RELN: variants seen among roughly 807,000 people sequenced by gnomAD.
RELN encodes reelin.
Under a neutral mutation model 427.6 loss-of-function variants are expected in RELN, and 108 were observed. The observed-to-expected ratio is 0.25, with a 90% CI of 0.22 to 0.30. The LOEUF (loss-of-function observed/expected upper bound fraction) is 0.30. Ranked by LOEUF, RELN falls within the 10% of genes least tolerant of loss-of-function variation. The pLI is 1.00. For synonymous variants in RELN, 1,524 were observed against 1,513.4 expected, an observed-to-expected ratio of 1.01 and a Z score of -0.16; for missense variants, 3,715 against 4,302.8, an observed-to-expected ratio of 0.86 and a Z score of 3.82.
rs116986303 is a variant in RELN, at chr7:103,635,964, T to G, written c.2303+271A>C. ...AAATCAATAAAACTACATAAATAAT[T>G]AACTAGCTCTTGGCTTAAGAACATA... On this transcript the variant is annotated intron_variant, in intron 18 of 64. Transcript: ENST00000428762. Among the ~76,000 whole-genome samples, 47 of 152,322 alleles carry G rather than the reference T, an allele frequency of 3.1e-4. No homozygotes were observed. In the East Asian group the frequency reaches 8.5e-3, roughly 28 times the overall value.
intron 10 of RELN, among the ~76,000 whole-genome samples, chr7:103,685,126 T>C (rs1833737076): frequency 6.6e-6 from 1 of 152,210 alleles, no homozygotes; most frequent in South Asian, 2.1e-4. Context: ...AGATGTCTGA[T>C]GCCACTTTTC....
intron 9 of RELN, among the ~76,000 whole-genome samples, chr7:103,699,269 A>C (rs1450809473): frequency 1.3e-5 from 2 of 152,162 alleles, no homozygotes; most frequent in African/African-American, 2.4e-5. Flanking sequence ...AATGAAGCAC[A>C]TATATATCCG....
chr7:103,527,658 C>G (rs1382127313), intron 46 of RELN, among the ~76,000 whole-genome samples: 2 of 152,174 alleles, frequency 1.3e-5, no homozygotes, highest in African/African-American at 4.8e-5. Flanking sequence ...TGATGTCAGC[C>G]CATTTCAAAA....
chr7:103,747,809 A>T (rs956135136), intron 6 of RELN, among the ~76,000 whole-genome samples: 24 of 152,206 alleles, frequency 1.6e-4, no homozygotes, highest in East Asian at 1.2e-3. Flanking sequence ...AAACTTTTTT[A>T]AAAAAAGGTA....
At chr7:103,798,072 T>A (rs1792353547) in intron 3 of RELN, among the ~76,000 whole-genome samples, 1 of 152,220 alleles carries the variant, frequency 6.6e-6, no homozygotes, top group African/African-American at 2.4e-5. Context: ...TCCGTACTCT[T>A]GGGAGTTAGT....
intron 2 of RELN, among the ~76,000 whole-genome samples, chr7:103,909,430 A>G (rs1795289090): frequency 6.6e-6 from 1 of 151,192 alleles, no homozygotes; most frequent in South Asian, 2.1e-4. Flanking sequence ...TACAATTTTT[A>G]TTAACTAGTG....
chr7:103,886,284 C>T (rs1794724818), intron 2 of RELN, among the ~76,000 whole-genome samples: 1 of 152,136 alleles, frequency 6.6e-6, no homozygotes, highest in Non-Finnish European at 1.5e-5. Context: ...ACTCATTATT[C>T]ATATCAAAAG....
At chr7:103,551,353 G>T in intron 40 of RELN, 57 bp from the exon 41 acceptor site, 1 of 1,177,914 alleles carries the variant, frequency 8.5e-7, no homozygotes, top group Non-Finnish European at 1.2e-6. Context: ...GCCTTGAAAT[G>T]ATTCACCACT....
In RELN at chr7:103,575,600, A is replaced by T; in HGVS notation, c.4251T>A (p.Ser1417Arg). Residue 1417 changes from serine to arginine, a missense_variant, in exon 29 of 65, where the codon AGT becomes AGA. Ser to Arg is a moderately radical substitution (Grantham distance 110). Around this residue, in one of 4 missense-constraint regions of RELN, gnomAD observed 2,208 missense variants for 2,361.7 expected, o/e 0.93. Coordinates refer to ENST00000428762, the MANE Select transcript of RELN (RefSeq NM_005045.4). ...YISEPCPSYC[S>R]GHGDCISGVC... is the part of the protein sequence containing the mutation. ...CTCCTGAAATGCAGTCCCCATGGCC[A>T]CTGCAGTAACTGGGACAAGGCTCGG... The T allele has an allele frequency of 6.2e-7, 1 of 1,613,962 alleles. No homozygotes were observed. Among genetic ancestry groups the T allele is most frequent in the Non-Finnish European group, 8.5e-7 (1 of 1,179,864 alleles).
In RELN at chr7:103,830,039, T is replaced by A. The variant is rs1793237895; in HGVS notation, c.473+3498A>T. Among the ~76,000 whole-genome samples, 3 of 116,000 alleles carry A rather than the reference T, an allele frequency of 2.6e-5. No homozygotes were observed. In the Admixed American group the frequency reaches 2.6e-4, roughly 10 times the overall value. The allele number at this position is 116,000 out of a possible 152,430, so 76.1% of individuals were successfully genotyped here. On this transcript the variant is annotated intron_variant, in intron 3 of 64. Transcript: ENST00000428762. ...GGGTTTCTTCCAATATAATGCACCA[T>A]CAGTTGTAAGACGTTAAAAAATAAA...
intron 56 of RELN, 93 bp downstream of exon 56, chr7:103,496,433 C>CT: frequency 1.3e-6 from 2 of 1,539,928 alleles, no homozygotes; most frequent in Non-Finnish European, 1.8e-6. Context: ...GCTAGGCACT[C>CT]TTATAAATGC....
At chr7:103,643,693 A>C (rs973927800) in intron 16 of RELN, among the ~76,000 whole-genome samples, 1 of 152,046 alleles carries the variant, frequency 6.6e-6, no homozygotes, top group African/African-American at 2.4e-5. Flanking sequence ...CTAACAGTGG[A>C]ATTCTTGTTA....
At chr7:103,919,756 C>T (rs1335254344) in intron 1 of RELN, among the ~76,000 whole-genome samples, 2 of 152,066 alleles carry the variant, frequency 1.3e-5, no homozygotes, top group African/African-American at 4.8e-5. Context: ...TCATCGCTTA[C>T]ATCCACAACC....
At chr7:103,475,278 C>T (rs1490872092) in intron 64 of RELN, among the ~76,000 whole-genome samples, 1 of 151,482 alleles carries the variant, frequency 6.6e-6, no homozygotes, top group Non-Finnish European at 1.5e-5. Context: ...AGTTTGTGTT[C>T]ATATCTTGGC....
intron 46 of RELN, among the ~76,000 whole-genome samples, chr7:103,529,335 G>T (rs1408740596): frequency 6.6e-6 from 1 of 152,062 alleles, no homozygotes; most frequent in African/African-American, 2.4e-5. Context: ...AATCTTTAAA[G>T]AAGGTGGTAT....
intron 6 of RELN, among the ~76,000 whole-genome samples, chr7:103,743,714 T>C (rs1286915295): frequency 6.6e-6 from 1 of 152,194 alleles, no homozygotes; most frequent in Non-Finnish European, 1.5e-5. Flanking sequence ...AAGAGCTAAC[T>C]ATCCTAAATA....
At chr7:103,515,037 G>T in intron 50 of RELN, 148 bp downstream of exon 50, 1 of 977,666 alleles carries the variant, frequency 1.0e-6, no homozygotes, top group Non-Finnish European at 1.6e-6. Flanking sequence ...TAGGAAGGCT[G>T]AGAGGAACAA....
In RELN at chr7:103,589,731, C is replaced by G. The variant is rs1289449043; in HGVS notation, c.4010G>C (p.Gly1337Ala). Residue 1337 changes from glycine (G) to alanine (A), a missense_variant, in exon 28 of 65, where the codon GGC becomes GCC. Coordinates refer to ENST00000428762, the MANE Select transcript of RELN (RefSeq NM_005045.4). ...TTTGCCTGCAGAAGCCGGGTAACAG[C>G]CTTCTTTCACCAGAAACCAGGACAT... ...AGMSWFLVKEGCYPASAGKGC... is the reference protein window; with the variant it reads ...AGMSWFLVKEACYPASAGKGC... The G allele has an allele frequency of 7.4e-6, 12 of 1,613,566 alleles. No homozygotes were observed. The highest frequency in any genetic ancestry group is 8.5e-6 in the Non-Finnish European group (10 of 1,179,472).
chr7:103,494,170 T>G (rs1244489985), intron 57 of RELN, among the ~76,000 whole-genome samples: 1 of 152,118 alleles, frequency 6.6e-6, no homozygotes, highest in Non-Finnish European at 1.5e-5. Context: ...GTGGTAGCAT[T>G]TGGGGAGCTT....
Sources: gnomAD v4.1 joint callset for allele counts (sites outside exome capture counted in the v4.1 genomes callset) on GRCh38, gnomAD v4.1.1 for gene constraint, gnomAD v4.1.1 regional missense constraint, MANE v1.5 for transcripts, NCBI Gene and HGNC (gene_info 2026-07-23, HGNC 2026-07-21) for gene names.